MME: variants seen among roughly 807,000 people sequenced by gnomAD.
The protein encoded by MME is neprilysin.
Under a neutral mutation model 113.2 loss-of-function variants are expected in MME, and 98 were observed. The ratio of observed to expected loss-of-function variants is 0.87; its 90% CI spans 0.74 to 1.02. The LOEUF is 1.02. Among genes scored for constraint, MME ranks in the 50% least tolerant of loss-of-function variants. The pLI, the probability that MME is intolerant of heterozygous loss-of-function variation, is 0.00. For synonymous variants in MME, 292 were observed against 300.6 expected, an observed-to-expected ratio of 0.97 and a Z score of 0.30; for missense variants, 836 against 896.0, an observed-to-expected ratio of 0.93 and a Z score of 0.86.
At chr3:155,105,123 A>G (rs1717582655) in intron 3 of MME, among the ~76,000 whole-genome samples, 1 of 152,134 alleles carries the variant, frequency 6.6e-6, no homozygotes, top group African/African-American at 2.4e-5. Flanking sequence ...GGACTATGAG[A>G]TAAGACTGAA....
chr3:155,136,483 A>G (rs1017786793), intron 8 of MME, among the ~76,000 whole-genome samples: 19 of 152,180 alleles, frequency 1.2e-4, no homozygotes, highest in African/African-American at 4.3e-4. Flanking sequence ...AAATTGTTCT[A>G]TTGAGTAGCA....
At chr3:155,090,737 C>A (rs1716214691) in intron 3 of MME, among the ~76,000 whole-genome samples, 1 of 152,158 alleles carries the variant, frequency 6.6e-6, no homozygotes, top group Non-Finnish European at 1.5e-5. Flanking sequence ...GGTAACAAAC[C>A]ATGGAAAGTG....
chr3:155,100,584 A>G (rs1414485382), intron 3 of MME, among the ~76,000 whole-genome samples: 2 of 152,240 alleles, frequency 1.3e-5, no homozygotes, highest in Non-Finnish European at 2.9e-5. Context: ...TCATTAACTC[A>G]ACTATGAATT....
intron 1 of MME, among the ~76,000 whole-genome samples, chr3:155,060,319 A>G (rs1018086934): frequency 1.7e-4 from 26 of 152,214 alleles, no homozygotes; most frequent in African/African-American, 6.3e-4. Context: ...TGAAATGCTT[A>G]TGGTTAAGAT....
At chr3:155,077,730 A>G (rs1445449483), upstream of MME, among the ~76,000 whole-genome samples, 1 of 151,512 alleles carries the variant, frequency 6.6e-6, no homozygotes, top group Non-Finnish European at 1.5e-5. Flanking sequence ...AACGAACAAC[A>G]GCAACAACAA....
At chr3:155,129,089 G>T (rs937828630) in intron 8 of MME, among the ~76,000 whole-genome samples, 7 of 152,142 alleles carry the variant, frequency 4.6e-5, no homozygotes, top group African/African-American at 1.7e-4. Flanking sequence ...ATAATCAAGA[G>T]AAGTTTTGAG....
intron 17 of MME, 59 bp downstream of exon 17, chr3:155,160,507 C>A: frequency 9.2e-7 from 1 of 1,086,608 alleles, no homozygotes; most frequent in Non-Finnish European, 1.4e-6. Flanking sequence ...ACCTGTAGTG[C>A]ATTGTATGAC....
rs1163746909 is a variant in MME, at chr3:155,183,673, A to G, written c.*3214A>G. The G allele has an allele frequency of 6.6e-6, 1 of 152,218 alleles. No homozygotes were observed. The highest frequency in any genetic ancestry group is 1.5e-5 in the Non-Finnish European group (1 of 68,034). 9.4% of individuals were successfully genotyped at this position (152,218 alleles called of 1,614,324 possible). The stretch of plus-strand genomic sequence containing the variant: ...TTTTTATCAGTTTCCAGTCTCAAAA[A>G]TACAAAATAAAAACAAACGTTTTTA... On this transcript the variant is annotated 3_prime_UTR_variant, in exon 23 of 23. Coordinates refer to ENST00000360490, the MANE Select transcript of MME (RefSeq NM_007289.4).
At chr3:155,101,509 C>T (rs983681360) in intron 3 of MME, among the ~76,000 whole-genome samples, 1 of 152,178 alleles carries the variant, frequency 6.6e-6, no homozygotes, top group African/African-American at 2.4e-5. Flanking sequence ...GCCTCTGACC[C>T]CAGCTCTAGT....
At chr3:155,118,836 A>G in intron 8 of MME, 25 bp downstream of exon 8, 1 of 1,396,252 alleles carries the variant, frequency 7.2e-7, no homozygotes, top group Non-Finnish European at 1.0e-6. Context: ...AATAATCAAA[A>G]CCAAACTACA....
rs1030668298 is a variant in MME, at chr3:155,042,477, G to A, written c.-11+18153G>A. 5.3e-5 allele frequency among the ~76,000 whole-genome samples: 8 copies of A among 152,038 alleles called. No individual in the cohort carries two copies. The East Asian group carries it at 5.8e-4, about 11-fold the overall frequency. Reference sequence around the variant, plus strand: ...GGGAGTAGAAGAAAGATAGGCACACGCATGTACACACATGTTTATACATAT... The same window carrying A: ...GGGAGTAGAAGAAAGATAGGCACACACATGTACACACATGTTTATACATAT... On this transcript the variant is annotated intron_variant, in intron 1 of 22. Coordinates refer to the MME transcript ENST00000492661.
Position 155,099,847 on chromosome 3 carries a change from T to C in MME, c.196+14753T>C, listed in dbSNP as rs1340215713. Among the ~76,000 whole-genome samples, 3 of 152,340 alleles carry C rather than the reference T, an allele frequency of 2.0e-5. No individual in the cohort carries two copies. In the East Asian group the frequency reaches 5.8e-4, roughly 29 times the overall value. ...AAGTCTTTGCTATTGTGAGTAGTGC[T>C]GCAATAAACATACATGTGCATGTGT... On this transcript the variant is annotated intron_variant, in intron 3 of 22. Coordinates refer to ENST00000360490, the MANE Select transcript of MME (RefSeq NM_007289.4).
chr3:155,085,036 T>C (rs1715545665), intron 2 of MME, 23 bp from the exon 3 acceptor site: 2 of 1,533,414 alleles, frequency 1.3e-6, no homozygotes, highest in East Asian at 2.3e-5. Flanking sequence ...CCAATATTTA[T>C]GTATATTCTC....
At chr3:155,161,220 G>T (rs998285329) in intron 17 of MME, among the ~76,000 whole-genome samples, 1 of 151,628 alleles carries the variant, frequency 6.6e-6, no homozygotes, top group Non-Finnish European at 1.5e-5. Context: ...TTTTTCAGGG[G>T]GTTTTTAGCA....
At chr3:155,040,955 T>C (rs532308705) in intron 1 of MME, among the ~76,000 whole-genome samples, 10 of 152,300 alleles carry the variant, frequency 6.6e-5, no homozygotes, top group Non-Finnish European at 2.9e-5. Flanking sequence ...CACTGAGACA[T>C]AAATTTCTAT....
chr3:155,105,848 A>G (rs1010774069), intron 3 of MME, among the ~76,000 whole-genome samples: 7 of 152,200 alleles, frequency 4.6e-5, no homozygotes, highest in Non-Finnish European at 4.4e-5. Context: ...TATTGTTATT[A>G]TTATTATTAC....
chr3:155,110,835 A>T (rs1718134940), intron 3 of MME, among the ~76,000 whole-genome samples: 1 of 152,136 alleles, frequency 6.6e-6, no homozygotes, highest in African/African-American at 2.4e-5. Context: ...ATCCTTCTAG[A>T]TTTTCTGTGC....
chr3:155,172,718 C>T, intron 22 of MME, 106 bp downstream of exon 22: 2 of 810,786 alleles, frequency 2.5e-6, no homozygotes, highest in Non-Finnish European at 4.0e-6. Context: ...TTTGGAAATT[C>T]AGTGCTTTTT....
Position 155,168,714 on chromosome 3 carries a change from A to C in MME, c.1915-18A>C. 1 of 1,612,644 alleles carries C rather than the reference A, an allele frequency of 6.2e-7. No individual in the cohort carries two copies. The highest frequency in any genetic ancestry group is 8.5e-7 in the Non-Finnish European group (1 of 1,178,824). On this transcript the variant is annotated intron_variant, in intron 19 of 22. Coordinates refer to ENST00000360490, the MANE Select transcript of MME (RefSeq NM_007289.4). Reference sequence around the variant, plus strand: ...GTTTCTTTTTTTAACAATCCTAATAAAGTGTCTTTTTTAACAGCTTAATGG... The same window carrying C: ...GTTTCTTTTTTTAACAATCCTAATACAGTGTCTTTTTTAACAGCTTAATGG...
Sources: gnomAD v4.1 joint callset for allele counts (sites outside exome capture counted in the v4.1 genomes callset) on GRCh38, gnomAD v4.1.1 for gene constraint, MANE v1.5 for transcripts, NCBI Gene and HGNC (gene_info 2026-07-23, HGNC 2026-07-21) for gene names.